PHEX: variants seen among roughly 807,000 people sequenced by gnomAD.
PHEX encodes phosphate regulating endopeptidase X-linked, also known as phosphate-regulating neutral endopeptidase PHEX.
PHEX carries 16 observed loss-of-function variants against 68.0 expected under a neutral mutation model. The observed-to-expected ratio is 0.24, with a 90% CI of 0.16 to 0.36. The LOEUF is 0.36. PHEX is among the 10% of genes least tolerant of loss of function. PHEX has a pLI of 1.00. For missense variants in PHEX, 480 were observed against 575.5 expected, an observed-to-expected ratio of 0.83 and a Z score of 1.70; for synonymous variants, 208 against 205.1, an observed-to-expected ratio of 1.01 and a Z score of -0.12.
At chrX:22,076,971 G>A (rs752280180) in intron 4 of PHEX, among the ~76,000 whole-genome samples, 5 of 112,284 alleles carry the variant, frequency 4.5e-5, no homozygotes, top group African/African-American at 1.6e-4. Flanking sequence ...GACCTGGTCT[G>A]CCTTCTCAAG....
At chrX:22,062,442 A>T (rs755482290) in intron 3 of PHEX, among the ~76,000 whole-genome samples, 1 of 110,813 alleles carries the variant, frequency 9.0e-6, no homozygotes, top group African/African-American at 3.4e-5. Context: ...AATATATCCA[A>T]AATACTGTTA....
Position 22,248,354 on chromosome X carries a change from C to T in PHEX, c.*401C>T, listed in dbSNP as rs982176354. The T allele has an allele frequency of 4.5e-5, 8 of 179,464 alleles. No homozygotes were observed. In the Admixed American group the frequency reaches 5.0e-4, roughly 11 times the overall value. 14.8% of individuals were successfully genotyped at this position (179,464 alleles called of 1,213,427 possible). ...AAAGTTCAATCTATTAAACTTGTAG[C>T]CTCTCAATGATGAAGACATGTGCAT... On this transcript the variant is annotated 3_prime_UTR_variant, in exon 22 of 22. Coordinates refer to ENST00000379374, the MANE Select transcript of PHEX (RefSeq NM_000444.6).
intron 14 of PHEX, among the ~76,000 whole-genome samples, chrX:22,187,496 C>CTTG (rs1934067055): frequency 9.0e-6 from 1 of 111,726 alleles, no homozygotes; most frequent in African/African-American, 3.3e-5. Context: ...CTTTTAAGGG[C>CTTG]TTGTGATTAG....
intron 3 of PHEX, among the ~76,000 whole-genome samples, chrX:22,070,189 G>C: frequency 9.0e-6 from 1 of 111,520 alleles, no homozygotes; most frequent in Non-Finnish European, 1.9e-5. Flanking sequence ...AAAAAATCTA[G>C]GTCTAGAGAA....
chrX:22,082,205 G>C (rs367805535), intron 5 of PHEX, among the ~76,000 whole-genome samples: 26 of 111,990 alleles, frequency 2.3e-4, no homozygotes, highest in South Asian at 7.5e-4. Context: ...ATCAAATCAT[G>C]GTAACTGGGA....
intron 18 of PHEX, among the ~76,000 whole-genome samples, chrX:22,225,188 C>T (rs1935450277): frequency 9.2e-6 from 1 of 108,764 alleles, no homozygotes; most frequent in African/African-American, 3.3e-5. Context: ...TGTTGCATCA[C>T]TCTGACACTC....
chrX:22,089,823 T>C (rs908230592), intron 5 of PHEX, among the ~76,000 whole-genome samples: 1 of 112,524 alleles, frequency 8.9e-6, no homozygotes, highest in Non-Finnish European at 1.9e-5. Flanking sequence ...TTATCACTTA[T>C]CCTAAACCTT....
intron 13 of PHEX, among the ~76,000 whole-genome samples, chrX:22,175,693 A>G (rs188636797): frequency 8.4e-4 from 93 of 110,581 alleles, no homozygotes; most frequent in African/African-American, 3.0e-3. Flanking sequence ...ATGTCTGTAG[A>G]CCAACCTGAA....
chrX:22,106,265 C>T (rs1272864875), intron 9 of PHEX, among the ~76,000 whole-genome samples: 2 of 111,634 alleles, frequency 1.8e-5, no homozygotes, highest in African/African-American at 6.5e-5. Flanking sequence ...ATTTATAACA[C>T]ACTGAAGAAA....
At chrX:22,049,793 G>A (rs1317725716) in intron 3 of PHEX, among the ~76,000 whole-genome samples, 1 of 110,914 alleles carries the variant, frequency 9.0e-6, no homozygotes, top group African/African-American at 3.3e-5. Context: ...GAACCAGGAG[G>A]GAGAGATTGC....
rs372129772 is a variant in PHEX at position 22,111,371 on chromosome X, C to T, written c.1080-96C>T. The T allele has an allele frequency of 3.2e-5, 22 of 693,023 alleles. No individual in the cohort carries two copies. In the East Asian group the frequency reaches 4.2e-4, roughly 13 times the overall value. The allele number at this position is 693,023 out of a possible 1,213,427, so 57.1% of individuals were successfully genotyped here. On this transcript the variant is annotated intron_variant, in intron 9 of 21. Transcript: ENST00000379374. Reference sequence around the variant, plus strand: ...ATTTTTGTATGAGTAAGAGGTCCCTCGATGGAGCTTTGCCAACTGTTTCTC... The same window carrying T: ...ATTTTTGTATGAGTAAGAGGTCCCTTGATGGAGCTTTGCCAACTGTTTCTC...
At chrX:22,122,737 G>T (rs1316064406) in intron 11 of PHEX, among the ~76,000 whole-genome samples, 2 of 111,221 alleles carry the variant, frequency 1.8e-5, no homozygotes, top group Non-Finnish European at 3.8e-5. Flanking sequence ...GGGGTTGGCT[G>T]ATCAAGGTTG....
chrX:22,175,381 C>T (rs1217817615), intron 13 of PHEX, among the ~76,000 whole-genome samples: 1 of 108,403 alleles, frequency 9.2e-6, no homozygotes, highest in African/African-American at 3.4e-5. Context: ...GGCAGAGTCT[C>T]CCTCTGTTGC....
Position 22,226,634 on chromosome X carries a change from T to C in PHEX, c.1965+126T>C, listed in dbSNP as rs183987872. ...TTAGTTAGATATTATGGAATTTCTG[T>C]AAATAGAAGTGTGTCTCCCCATTGA... is the stretch of plus-strand genomic sequence containing the variant. On this transcript the variant is annotated intron_variant, in intron 19 of 21. Transcript: ENST00000379374. The C allele has an allele frequency of 2.0e-3, 1,141 of 576,470 alleles. 12 individuals are homozygous for C. The African/African-American group carries it at 0.022, about 11-fold the overall frequency. 47.5% of individuals were successfully genotyped at this position (576,470 alleles called of 1,213,427 possible).
At chrX:22,123,031 C>T (rs1303209467) in intron 11 of PHEX, among the ~76,000 whole-genome samples, 2 of 102,758 alleles carry the variant, frequency 1.9e-5, no homozygotes, top group African/African-American at 7.2e-5. Context: ...GCTCTGTCCC[C>T]CAGGCTGGAG....
chrX:22,155,172 A>G (rs1932924954), intron 12 of PHEX, among the ~76,000 whole-genome samples: 3 of 112,876 alleles, frequency 2.7e-5, no homozygotes, highest in East Asian at 2.8e-4. Flanking sequence ...TCGACCTCCC[A>G]AAGTGCTGGG....
chrX:22,036,057 T>A (rs1249064425), intron 1 of PHEX, among the ~76,000 whole-genome samples: 855 of 56,671 alleles, frequency 0.015, 4 homozygotes, highest in African/African-American at 0.032. Flanking sequence ...TATATATATT[T>A]TTTTTTTTTT....
chrX:22,193,362 C>T (rs956052220), intron 15 of PHEX, among the ~76,000 whole-genome samples: 5 of 111,129 alleles, frequency 4.5e-5, no homozygotes, highest in Non-Finnish European at 5.7e-5. Context: ...GTGCCTACGA[C>T]GCCCTCACCC....
rs2071583 is a variant in PHEX at position 22,190,676 on chromosome X, T to G, written c.1645+174T>G. Among the ~76,000 whole-genome samples, 12,567 of 111,318 alleles carry G rather than the reference T, an allele frequency of 0.11. 902 individuals carry two copies. Among genetic ancestry groups the G allele is most frequent in the African/African-American group, 0.26 (7,876 of 30,292 alleles). On this transcript the variant is annotated intron_variant, in intron 15 of 21. Transcript: ENST00000379374. ...CAAATTTTCCTCACTCTCTTCACCT[T>G]ACCAGTTTTTTTTAAAGCTTTATGT...
Sources: gnomAD v4.1 joint callset for allele counts (sites outside exome capture counted in the v4.1 genomes callset) on GRCh38, gnomAD v4.1.1 for gene constraint, MANE v1.5 for transcripts, NCBI Gene and HGNC (gene_info 2026-07-23, HGNC 2026-07-21) for gene names.